Variants in CSMD3 observed in about 807,000 individuals in gnomAD.
CSMD3 encodes the protein CUB and sushi domain-containing protein 3.
Under a neutral mutation model 435.2 loss-of-function variants are expected in CSMD3, and 177 were observed. The observed-to-expected ratio is 0.41, with a 90% CI of 0.36 to 0.46. CSMD3 has a LOEUF of 0.46. CSMD3 is among the 20% of genes least tolerant of loss of function. CSMD3 has a pLI of 0.34. For synonymous variants in CSMD3, 1,656 were observed against 1,520.5 expected (o/e 1.09, Z -2.07); for missense variants, 4,265 against 4,504.6 (o/e 0.95, Z 1.52).
intron 22 of CSMD3, among the ~76,000 whole-genome samples, chr8:112,594,383 G>T (rs189310324): frequency 0.012 from 1,808 of 152,130 alleles, 18 homozygotes; most frequent in Non-Finnish European, 0.019. Context: ...ACAGAGTCTC[G>T]CTGATTGCTA....
At chr8:112,828,989 C>T (rs1194316327) in intron 12 of CSMD3, among the ~76,000 whole-genome samples, 1 of 150,616 alleles carries the variant, frequency 6.6e-6, no homozygotes, top group African/African-American at 2.4e-5. Context: ...TTCTAGGAGG[C>T]CTTCTTGTAA....
chr8:112,782,386 G>A (rs1324597008), intron 13 of CSMD3, among the ~76,000 whole-genome samples: 4 of 151,926 alleles, frequency 2.6e-5, no homozygotes, highest in African/African-American at 7.2e-5. Flanking sequence ...TGAAAACACA[G>A]AGTCAGAGCA....
intron 1 of CSMD3, among the ~76,000 whole-genome samples, chr8:113,367,106 T>A (rs886766009): frequency 1.3e-5 from 2 of 151,964 alleles, no homozygotes; most frequent in Admixed American, 1.3e-4. Flanking sequence ...CGGGGAATAA[T>A]TAGTCAAGTT....
At chr8:113,342,509 TA>T (rs2094126605) in intron 1 of CSMD3, among the ~76,000 whole-genome samples, 1 of 152,156 alleles carries the variant, frequency 6.6e-6, no homozygotes, top group Non-Finnish European at 1.5e-5. Flanking sequence ...CTGATTAACA[TA>T]AAATATTCCA....
rs200592784 is a variant in CSMD3, at chr8:113,098,962, A to G, written c.711T>C (p.Ala237=). The G allele has an allele frequency of 6.2e-7, 1 of 1,602,568 alleles. No homozygotes were observed. The highest frequency in any genetic ancestry group is 8.5e-7 in the Non-Finnish European group (1 of 1,169,894). ...SWDFPVPICR[A]EDACGGTMRG... Reference sequence around the variant, plus strand: ...TCATTGTTCCTCCACAAGCATCTTCAGCTGTTAAAAATGACAAAATATTCA... The same window carrying G: ...TCATTGTTCCTCCACAAGCATCTTCGGCTGTTAAAAATGACAAAATATTCA... The change falls in exon 5 of 71, where the codon GCT becomes GCC. Residue 237 remains alanine, a splice_region_variant and synonymous_variant. Coordinates refer to ENST00000297405, the MANE Select transcript of CSMD3 (RefSeq NM_198123.2).
chr8:112,791,081 G>A, intron 13 of CSMD3, among the ~76,000 whole-genome samples: 1 of 152,034 alleles, frequency 6.6e-6, no homozygotes, highest in East Asian at 1.9e-4. Context: ...TCAGGTCTTT[G>A]GGAAGCTGAG....
intron 24 of CSMD3, among the ~76,000 whole-genome samples, chr8:112,572,813 T>C (rs770223781): frequency 1.3e-5 from 2 of 152,096 alleles, no homozygotes; most frequent in Non-Finnish European, 2.9e-5. Flanking sequence ...TCAAGAAATA[T>C]ATTATTTGAA....
intron 36 of CSMD3, among the ~76,000 whole-genome samples, chr8:112,388,529 T>C (rs996390437): frequency 9.2e-5 from 14 of 152,126 alleles, no homozygotes; most frequent in African/African-American, 3.1e-4. Flanking sequence ...TGTAACTTAA[T>C]GGATGAGGAA....
intron 17 of CSMD3, among the ~76,000 whole-genome samples, chr8:112,659,529 C>A (rs939892007): frequency 7.2e-5 from 11 of 152,102 alleles, no homozygotes; most frequent in Non-Finnish European, 1.5e-4. Context: ...AAAAAATATT[C>A]TCTGAAAGAC....
At chr8:112,426,252 G>A (rs1380230896) in intron 32 of CSMD3, among the ~76,000 whole-genome samples, 1 of 152,114 alleles carries the variant, frequency 6.6e-6, no homozygotes, top group African/African-American at 2.4e-5. Flanking sequence ...GGGGTGGGGA[G>A]TGAGGGTGAA....
At chr8:113,108,982 CA>C (rs1186374148) in intron 4 of CSMD3, among the ~76,000 whole-genome samples, 4 of 152,080 alleles carry the variant, frequency 2.6e-5, no homozygotes, top group Non-Finnish European at 5.9e-5. Context: ...CTAACTCAAA[CA>C]ATCATAAAGA....
intron 61 of CSMD3, among the ~76,000 whole-genome samples, chr8:112,257,967 A>G (rs1815967350): frequency 6.6e-6 from 1 of 152,216 alleles, no homozygotes; most frequent in Non-Finnish European, 1.5e-5. Flanking sequence ...AGGCCTCAGA[A>G]ATAACACCAC....
At chr8:112,893,098 AAACTACTACTACTACTAC>A (rs981226377) in intron 10 of CSMD3, among the ~76,000 whole-genome samples, 2 of 151,064 alleles carry the variant, frequency 1.3e-5, no homozygotes, top group African/African-American at 2.4e-5. Context: ...TACTACTACA[AAACTACTACTACTACTAC>A]AACTACTACT....
chr8:112,380,418 T>A lies in CSMD3; in HGVS notation c.6070A>T (p.Asn2024Tyr). The A allele has an allele frequency of 6.2e-7, 1 of 1,601,532 alleles. No individual in the cohort carries two copies. Among genetic ancestry groups the A allele is most frequent in the Non-Finnish European group, 8.6e-7 (1 of 1,168,870 alleles). Residue 2024 changes from asparagine to tyrosine, a missense_variant, in exon 38 of 71, where the codon AAT becomes TAT. This residue lies in a region of CSMD3 where 3,255 missense variants were observed against 3,380.2 expected (regional missense o/e 0.96). Coordinates refer to ENST00000297405, the MANE Select transcript of CSMD3 (RefSeq NM_198123.2). ...IPHLLNSTSN[N>Y]LYLNFQSDIS... is the part of the protein sequence containing the mutation. ...TCTGATTGAAAATTTAGATACAGAT[T>A]ATTAGACGTACTATTCAAAAGATGG...
At chr8:113,222,421 A>G (rs1424130901) in intron 3 of CSMD3, among the ~76,000 whole-genome samples, 1 of 151,040 alleles carries the variant, frequency 6.6e-6, no homozygotes, top group African/African-American at 2.4e-5. Context: ...AATAATCATG[A>G]AATATAATGA....
intron 13 of CSMD3, among the ~76,000 whole-genome samples, chr8:112,757,796 GTA>G (rs1401046109): frequency 2.7e-5 from 4 of 150,066 alleles, no homozygotes; most frequent in Non-Finnish European, 5.9e-5. Flanking sequence ...GCTCACACCT[GTA>G]ATCCCAACAC....
At chr8:112,639,392 T>A (rs1005356759) in intron 20 of CSMD3, among the ~76,000 whole-genome samples, 2 of 152,164 alleles carry the variant, frequency 1.3e-5, no homozygotes, top group Non-Finnish European at 2.9e-5. Context: ...ATCTGTTAGA[T>A]GAATGTAATT....
At chr8:113,172,607 A>C (rs2092286077) in intron 4 of CSMD3, among the ~76,000 whole-genome samples, 1 of 152,192 alleles carries the variant, frequency 6.6e-6, no homozygotes, top group South Asian at 2.1e-4. Context: ...AATGAGGTAA[A>C]TGAGACTCAA....
chr8:112,486,470 A>T (rs1451827238), intron 31 of CSMD3, among the ~76,000 whole-genome samples: 1 of 152,116 alleles, frequency 6.6e-6, no homozygotes, highest in Non-Finnish European at 1.5e-5. Flanking sequence ...TGAAACACAA[A>T]ATAATATGTA....
Sources: gnomAD v4.1 joint callset for allele counts (sites outside exome capture counted in the v4.1 genomes callset) on GRCh38, gnomAD v4.1.1 for gene constraint, gnomAD v4.1.1 regional missense constraint, MANE v1.5 for transcripts, NCBI Gene and HGNC (gene_info 2026-07-23, HGNC 2026-07-21) for gene names.